The following LOC128462377 variants were observed in gnomAD, a reference collection of about 807,000 sequenced individuals.
the LOC128462377 span, chr16:89,323,706 A>C: frequency 1.1e-5 from 3 of 279,660 alleles, no homozygotes; most frequent in Non-Finnish European, 2.1e-5. Context: ...GCCTCCACAC[A>C]CCCCTGCACG....
At chr16:89,327,525 A>G in the LOC128462377 span, among the ~76,000 whole-genome samples, 2 of 152,078 alleles carry the variant, frequency 1.3e-5, no homozygotes, top group Non-Finnish European at 2.9e-5. Flanking sequence ...TTCAGCAAGG[A>G]CACAGAATCC....
chr16:89,407,852 CAAAAAA>C, the LOC128462377 span, among the ~76,000 whole-genome samples: 8 of 111,430 alleles, frequency 7.2e-5, no homozygotes, highest in African/African-American at 6.6e-5. Flanking sequence ...TGTCTCCCTC[CAAAAAA>C]AAAAAAAAAA....
the LOC128462377 span, among the ~76,000 whole-genome samples, chr16:89,341,709 G>GAT: frequency 6.6e-6 from 1 of 152,230 alleles, no homozygotes; most frequent in Non-Finnish European, 1.5e-5. Flanking sequence ...TCTGCATAAT[G>GAT]ATATACCTAC....
At chr16:89,415,481 G>T in the LOC128462377 span, among the ~76,000 whole-genome samples, 2 of 144,486 alleles carry the variant, frequency 1.4e-5, no homozygotes, top group African/African-American at 5.3e-5. Flanking sequence ...AGCCAGGATG[G>T]TCTTGATCTC....
the LOC128462377 span, among the ~76,000 whole-genome samples, chr16:89,341,533 T>C: frequency 6.6e-6 from 1 of 152,170 alleles, no homozygotes; most frequent in Non-Finnish European, 1.5e-5. Context: ...CACCAGCTGA[T>C]TTCTGAAAGC....
the LOC128462377 span, among the ~76,000 whole-genome samples, chr16:89,368,352 G>C: frequency 6.9e-6 from 1 of 145,196 alleles, no homozygotes; most frequent in African/African-American, 2.5e-5. Context: ...GCCTGCTGCC[G>C]TGCCTGGCTA....
At chr16:89,326,366 G>A in the LOC128462377 span, among the ~76,000 whole-genome samples, 4 of 151,940 alleles carry the variant, frequency 2.6e-5, no homozygotes, top group African/African-American at 9.7e-5. Context: ...TGCAGAAGGG[G>A]ACGCAGCCAC....
chr16:89,334,326 T>G, the LOC128462377 span, among the ~76,000 whole-genome samples: 2 of 151,876 alleles, frequency 1.3e-5, no homozygotes, highest in African/African-American at 4.8e-5. Flanking sequence ...ACGGCCAAGT[T>G]TCTGAAGTTG....
the LOC128462377 span, among the ~76,000 whole-genome samples, chr16:89,345,666 T>G: frequency 6.6e-6 from 1 of 152,202 alleles, no homozygotes; most frequent in Admixed American, 6.5e-5. Context: ...TTTGTCAGAT[T>G]GGAATGGAAA....
chr16:89,350,262 A>T, the LOC128462377 span, among the ~76,000 whole-genome samples: 1 of 152,222 alleles, frequency 6.6e-6, no homozygotes, highest in African/African-American at 2.4e-5. Context: ...ACTTTGGAAA[A>T]GAGTCTGGCA....
the LOC128462377 span, among the ~76,000 whole-genome samples, chr16:89,379,716 C>T: frequency 6.6e-5 from 10 of 152,168 alleles, no homozygotes; most frequent in South Asian, 2.1e-4. Flanking sequence ...GTGCAGTGCA[C>T]GGATTTGCGA....
At chr16:89,357,978 T>C in the LOC128462377 span, among the ~76,000 whole-genome samples, 1 of 152,258 alleles carries the variant, frequency 6.6e-6, no homozygotes. Flanking sequence ...TGATGCTCAA[T>C]TTCTGAAATC....
chr16:89,406,878 A>G, the LOC128462377 span, among the ~76,000 whole-genome samples: 4 of 152,336 alleles, frequency 2.6e-5, no homozygotes, highest in East Asian at 7.7e-4. Context: ...GAGACAAATC[A>G]GCAACATTAA....
At chr16:89,356,567 C>T in the LOC128462377 span, among the ~76,000 whole-genome samples, 2 of 148,866 alleles carry the variant, frequency 1.3e-5, no homozygotes, top group Admixed American at 6.7e-5. Flanking sequence ...GTCAGGAGAT[C>T]GAGACCATCC....
the LOC128462377 span, among the ~76,000 whole-genome samples, chr16:89,408,953 C>T: frequency 8.5e-5 from 13 of 152,300 alleles, no homozygotes; most frequent in South Asian, 2.1e-3. Context: ...CTGTGGAGTG[C>T]GGTTTCTAAA....
At chr16:89,345,876 A>G in the LOC128462377 span, among the ~76,000 whole-genome samples, 2 of 152,216 alleles carry the variant, frequency 1.3e-5, no homozygotes, top group African/African-American at 2.4e-5. Flanking sequence ...TAATATGGCA[A>G]AAAGTTCCTT....
At chr16:89,332,732 G>A in the LOC128462377 span, among the ~76,000 whole-genome samples, 2 of 152,216 alleles carry the variant, frequency 1.3e-5, no homozygotes, top group African/African-American at 4.8e-5. Context: ...TGCCCTCTCT[G>A]AGGAAAGTGC....
the LOC128462377 span, among the ~76,000 whole-genome samples, chr16:89,411,881 C>G: frequency 6.6e-6 from 1 of 152,034 alleles, no homozygotes; most frequent in Non-Finnish European, 1.5e-5. Flanking sequence ...CCCAGAGTCT[C>G]CTGGCCATGT....
At chr16:89,390,354 A>G in the LOC128462377 span, among the ~76,000 whole-genome samples, 1 of 151,862 alleles carries the variant, frequency 6.6e-6, no homozygotes, top group Admixed American at 6.6e-5. Context: ...GCGAACACCG[A>G]GTGTGGCGGG....
Sources: gnomAD v4.1 joint callset for allele counts (sites outside exome capture counted in the v4.1 genomes callset) on GRCh38, gnomAD v4.1.1 for gene constraint, MANE v1.5 for transcripts.